COL22A1: variants seen among roughly 807,000 people sequenced by gnomAD.
COL22A1 encodes collagen alpha-1(XXII) chain.
A neutral mutation model predicts 248.9 loss-of-function variants in COL22A1; 221 were observed. That is an observed-to-expected ratio of 0.89 (90% CI 0.80 to 0.99). The LOEUF (loss-of-function observed/expected upper bound fraction) is 0.99. COL22A1 is among the 50% of genes least tolerant of loss of function. The probability of loss-of-function intolerance (pLI) is 0.00; values close to 1 mark genes in which losing one functional copy is unlikely to be tolerated. For missense variants in COL22A1, 2,240 were observed against 2,179.0 expected (o/e 1.03, Z -0.56); for synonymous variants, 891 against 793.4 (o/e 1.12, Z -2.07).
chr8:138,626,826 T>C (rs148526152), intron 50 of COL22A1, among the ~76,000 whole-genome samples: 2 of 152,338 alleles, frequency 1.3e-5, no homozygotes, highest in East Asian at 3.9e-4. Context: ...TTAATTAATA[T>C]TTTATTTCCC....
At chr8:138,615,618 T>C (rs894370061) in intron 55 of COL22A1, among the ~76,000 whole-genome samples, 43 of 151,896 alleles carry the variant, frequency 2.8e-4, no homozygotes, top group African/African-American at 9.9e-4. Context: ...TGGTATACAA[T>C]TAACACAGCA....
At chr8:138,688,390 G>A (rs533795751) in intron 37 of COL22A1, among the ~76,000 whole-genome samples, 5 of 151,916 alleles carry the variant, frequency 3.3e-5, no homozygotes, top group South Asian at 2.1e-4. Flanking sequence ...GCATGGTGGC[G>A]CACACCTGTA....
At chr8:138,864,129 A>G (rs1417072094) in intron 3 of COL22A1, among the ~76,000 whole-genome samples, 2 of 152,086 alleles carry the variant, frequency 1.3e-5, no homozygotes, top group Non-Finnish European at 2.9e-5. Context: ...TTTGGACCCC[A>G]TGCTCATCTT....
At position 138,869,348 on chromosome 8, in the gene COL22A1, T is replaced by C. The variant is rs190846171; in HGVS notation, c.658+8402A>G. On this transcript the variant is annotated intron_variant, in intron 3 of 64. Transcript: ENST00000303045. ...AATTTGGGAATGATTGAAGAGGTGA[T>C]GGTGCAAGCTGCCCGGAGCCAAAGG... Among the ~76,000 whole-genome samples the C allele has an allele frequency of 2.0e-3, 297 of 152,304 alleles. 3 individuals are homozygous for C. Among genetic ancestry groups the C allele is most frequent in the African/African-American group, 6.9e-3 (286 of 41,574 alleles).
chr8:138,666,388 C>T (rs1824506200), intron 41 of COL22A1, among the ~76,000 whole-genome samples: 2 of 152,170 alleles, frequency 1.3e-5, no homozygotes, highest in South Asian at 2.1e-4. Flanking sequence ...CTCACTTTAA[C>T]CCCAATCAGA....
At chr8:138,598,954 T>A in intron 60 of COL22A1, 56 bp from the exon 61 acceptor site, 2 of 1,578,660 alleles carry the variant, frequency 1.3e-6, no homozygotes, top group Non-Finnish European at 1.7e-6. Flanking sequence ...CTGTACCCCA[T>A]GCAGCTGCAA....
chr8:138,826,833 C>A, intron 5 of COL22A1, 52 bp from the exon 6 acceptor site: 1 of 1,602,858 alleles, frequency 6.2e-7, no homozygotes, highest in Non-Finnish European at 8.5e-7. Context: ...GAGCAGGGAG[C>A]CAGCAAAGTG....
intron 25 of COL22A1, 180 bp from the exon 26 acceptor site, chr8:138,722,269 C>T (rs974835564): frequency 3.4e-6 from 2 of 594,156 alleles, no homozygotes; most frequent in Non-Finnish European, 6.1e-6. Context: ...GACCACATTT[C>T]CCTTTGTTAC....
intron 22 of COL22A1, among the ~76,000 whole-genome samples, chr8:138,750,743 C>T (rs906403126): frequency 1.5e-4 from 23 of 152,260 alleles, no homozygotes; most frequent in African/African-American, 4.6e-4. Flanking sequence ...TAGTAAAAGG[C>T]GATACAAGCT....
chr8:138,831,329 T>G (rs1820031638), intron 5 of COL22A1, among the ~76,000 whole-genome samples: 1 of 152,198 alleles, frequency 6.6e-6, no homozygotes, highest in Non-Finnish European at 1.5e-5. Context: ...CAGCAAATAT[T>G]TCCTCATTCC....
intron 10 of COL22A1, 137 bp from the exon 11 acceptor site, chr8:138,803,071 G>A (rs1001594645): frequency 2.7e-6 from 2 of 727,378 alleles, no homozygotes; most frequent in Non-Finnish European, 5.0e-6. Flanking sequence ...CTGCAACGAG[G>A]CCACATGTCC....
chr8:138,906,859 G>A (rs2132188856), intron 1 of COL22A1, among the ~76,000 whole-genome samples: 1 of 152,222 alleles, frequency 6.6e-6, no homozygotes, highest in Admixed American at 6.5e-5. Context: ...TGCCATGTTG[G>A]CCAGGCTGGT....
At chr8:138,813,094 G>T in intron 7 of COL22A1, 75 bp from the exon 8 acceptor site, 15 of 1,110,796 alleles carry the variant, frequency 1.4e-5, no homozygotes, top group Non-Finnish European at 2.1e-5. Context: ...TTTCACACAG[G>T]CCCCGTCCTG....
intron 12 of COL22A1, among the ~76,000 whole-genome samples, chr8:138,792,881 G>A (rs1432274936): frequency 6.6e-6 from 1 of 152,188 alleles, no homozygotes; most frequent in Non-Finnish European, 1.5e-5. Context: ...GTAACAATCA[G>A]TGATTGTGTT....
intron 9 of COL22A1, 149 bp from the exon 10 acceptor site, chr8:138,807,961 G>A (rs1817869981): frequency 1.4e-6 from 1 of 730,300 alleles, no homozygotes; most frequent in Non-Finnish European, 2.3e-6. Context: ...GAAATTGGTT[G>A]ACTGTGCTGA....
At position 138,738,802 on chromosome 8, in the gene COL22A1, A is replaced by G. The variant is rs538150246; in HGVS notation, c.2086-1225T>C. On this transcript the variant is annotated intron_variant, in intron 22 of 64. Coordinates refer to ENST00000303045, the MANE Select transcript of COL22A1 (RefSeq NM_152888.3). ...CTAAGTGTATCTGTGAGATTGTAAAACTTGATATCGTCCTCTCCTCTCATT... is the reference window on the plus strand; with the variant it reads ...CTAAGTGTATCTGTGAGATTGTAAAGCTTGATATCGTCCTCTCCTCTCATT... 3.0e-4 allele frequency among the ~76,000 whole-genome samples: 45 copies of G among 152,224 alleles called. No homozygotes were observed. In the South Asian group the frequency reaches 9.3e-3, roughly 32 times the overall value.
intron 16 of COL22A1, among the ~76,000 whole-genome samples, chr8:138,765,254 G>T (rs1032676929): frequency 6.6e-6 from 1 of 152,126 alleles, no homozygotes; most frequent in East Asian, 1.9e-4. Context: ...GGGGAGGGTC[G>T]GAGCAGAGTC....
At chr8:138,718,324 G>T (rs1829602243) in intron 27 of COL22A1, among the ~76,000 whole-genome samples, 1 of 152,154 alleles carries the variant, frequency 6.6e-6, no homozygotes, top group Admixed American at 6.5e-5. Context: ...TCAAATTGTT[G>T]CTTTCAATCT....
chr8:138,624,174 C>T (rs114773780), intron 51 of COL22A1, among the ~76,000 whole-genome samples: 2,562 of 152,128 alleles, frequency 0.017, 69 homozygotes, highest in African/African-American at 0.058. Flanking sequence ...TGGATGCTGA[C>T]GATGATAATG....
Sources: allele counts gnomAD v4.1 joint callset (sites outside exome capture counted in the v4.1 genomes callset), GRCh38; gene constraint gnomAD v4.1.1; transcripts MANE v1.5; gene names NCBI Gene and HGNC (gene_info 2026-07-23, HGNC 2026-07-21).